Variants in PRR16 observed in about 807,000 individuals in gnomAD.
PRR16 encodes the protein protein Largen.
A neutral mutation model predicts 18.2 loss-of-function variants in PRR16; 6 were observed. The ratio of observed to expected loss-of-function variants is 0.33; its 90% CI spans 0.18 to 0.65. The LOEUF (loss-of-function observed/expected upper bound fraction) is 0.65, where lower values mean the gene tolerates loss of function less well. Among genes scored for constraint, PRR16 ranks in the 30% least tolerant of loss-of-function variants. The pLI, the probability that PRR16 is intolerant of heterozygous loss-of-function variation, is 0.74. For synonymous variants in PRR16, 151 were observed against 147.8 expected, an observed-to-expected ratio of 1.02 and a Z score of -0.16; for missense variants, 412 against 376.6, an observed-to-expected ratio of 1.09 and a Z score of -0.78.
At chr5:120,776,842 T>C in the PRR16 span, among the ~76,000 whole-genome samples, 3 of 152,086 alleles carry the variant, frequency 2.0e-5, no homozygotes, top group Non-Finnish European at 4.4e-5. Flanking sequence ...TATTGCTCTG[T>C]TTTTATTCTG....
intron 1 of PRR16, among the ~76,000 whole-genome samples, chr5:120,530,764 G>A (rs1183302365): frequency 6.6e-6 from 1 of 152,054 alleles, no homozygotes; most frequent in Non-Finnish European, 1.5e-5. Context: ...AAAGGAGAAA[G>A]GTAAAGGTTA....
At chr5:120,786,449 CTT>C in the PRR16 span, among the ~76,000 whole-genome samples, 3 of 150,960 alleles carry the variant, frequency 2.0e-5, no homozygotes, top group Non-Finnish European at 3.0e-5. Context: ...ATTTTGGTCT[CTT>C]AACAGTTACT....
At chr5:120,755,568 AT>A in the PRR16 span, among the ~76,000 whole-genome samples, 1 of 152,022 alleles carries the variant, frequency 6.6e-6, no homozygotes. Flanking sequence ...GATTTCATCC[AT>A]TTTTATGGCT....
the PRR16 span, among the ~76,000 whole-genome samples, chr5:120,786,470 T>C: frequency 1.2e-4 from 18 of 150,862 alleles, no homozygotes; most frequent in Non-Finnish European, 2.2e-4. Flanking sequence ...CTACTTCTTA[T>C]AATGCAACAG....
At chr5:120,726,618 C>T in the PRR16 span, among the ~76,000 whole-genome samples, 1 of 151,976 alleles carries the variant, frequency 6.6e-6, no homozygotes, top group Non-Finnish European at 1.5e-5. Flanking sequence ...TTTAATAGCT[C>T]ATGGTTTAAT....
intron 1 of PRR16, among the ~76,000 whole-genome samples, chr5:120,480,749 T>A (rs924274968): frequency 6.6e-6 from 1 of 152,160 alleles, no homozygotes; most frequent in Admixed American, 6.6e-5. Flanking sequence ...TATATTTAAG[T>A]CTTGTTTTGT....
At chr5:120,635,027 G>A (rs888906915) in intron 1 of PRR16, among the ~76,000 whole-genome samples, 1 of 152,086 alleles carries the variant, frequency 6.6e-6, no homozygotes, top group African/African-American at 2.4e-5. Context: ...GGAGATTAAT[G>A]AATTCCTGAA....
At position 120,588,395 on chromosome 5, in the gene PRR16, T is replaced by A. The variant is rs1005761470; in HGVS notation, c.160-97559T>A. The stretch of plus-strand genomic sequence containing the variant: ...GCAAGAGTCCATTCACGTGGCAAAT[T>A]TTAGTGCTGTCTTATTTTAAGACTT... On this transcript the variant is annotated intron_variant, in intron 1 of 1. Transcript: ENST00000407149. 7.2e-5 allele frequency among the ~76,000 whole-genome samples: 11 copies of A among 152,118 alleles called. No homozygotes were observed. The East Asian group carries it at 2.1e-3, about 29-fold the overall frequency.
rs180840437 is a variant in PRR16, at chr5:120,636,980, A to G, written c.160-48974A>G. On this transcript the variant is annotated intron_variant, in intron 1 of 1. Coordinates refer to ENST00000407149, the MANE Select transcript of PRR16 (RefSeq NM_001300783.2). ...ATCAAAAAGTGGGCTAAGGACATGT[A>G]TAGACAATTCTCAAAAGAAGATATA... 6.0e-4 allele frequency among the ~76,000 whole-genome samples: 91 copies of G among 152,244 alleles called. 1 individual carries two copies. The East Asian group carries it at 0.016, about 27-fold the overall frequency.
intron 1 of PRR16, among the ~76,000 whole-genome samples, chr5:120,615,330 T>A (rs993629379): frequency 6.6e-6 from 1 of 151,618 alleles, no homozygotes; most frequent in African/African-American, 2.4e-5. Flanking sequence ...AAAATCTATA[T>A]TCTCTTCTAT....
the PRR16 span, among the ~76,000 whole-genome samples, chr5:120,762,358 C>T: frequency 1.3e-5 from 2 of 152,072 alleles, no homozygotes; most frequent in African/African-American, 2.4e-5. Flanking sequence ...TCTTTTTTCT[C>T]TGCATCCTTG....
chr5:120,692,485 T>A, the PRR16 span, among the ~76,000 whole-genome samples: 1 of 152,104 alleles, frequency 6.6e-6, no homozygotes, highest in South Asian at 2.1e-4. Context: ...TCAGTTAAGA[T>A]TTATGCACCA....
chr5:120,542,898 A>G (rs1751959781), intron 1 of PRR16, among the ~76,000 whole-genome samples: 1 of 152,182 alleles, frequency 6.6e-6, no homozygotes, highest in African/African-American at 2.4e-5. Context: ...TAGAAATAAT[A>G]CAGTCATTAA....
intron 1 of PRR16, among the ~76,000 whole-genome samples, chr5:120,599,283 C>A (rs986474304): frequency 6.6e-6 from 1 of 151,842 alleles, no homozygotes; most frequent in East Asian, 1.9e-4. Flanking sequence ...AAAAATGTAA[C>A]CATGTAAAAT....
Position 120,510,473 on chromosome 5 carries a change from A to T in PRR16, c.159+45828A>T, listed in dbSNP as rs142563147. On this transcript the variant is annotated intron_variant, in intron 1 of 1. Coordinates refer to ENST00000407149, the MANE Select transcript of PRR16 (RefSeq NM_001300783.2). ...TTATCATTGTGCAACAGAGCCTGCT[A>T]TCTGTGAGAGATTATTTTGCACTTC... Among the ~76,000 whole-genome samples, 6 of 152,322 alleles carry T rather than the reference A, an allele frequency of 3.9e-5. No homozygotes were observed. The East Asian group carries it at 1.2e-3, about 29-fold the overall frequency.
chr5:120,490,528 T>A (rs1382553592), intron 1 of PRR16, among the ~76,000 whole-genome samples: 1 of 152,156 alleles, frequency 6.6e-6, no homozygotes, highest in African/African-American at 2.4e-5. Flanking sequence ...CTTCTCTGCA[T>A]TGGTTATTCT....
At chr5:120,724,326 C>G in the PRR16 span, among the ~76,000 whole-genome samples, 691 of 152,200 alleles carry the variant, frequency 4.5e-3, 5 homozygotes, top group African/African-American at 0.016. Flanking sequence ...CAAATTCTAA[C>G]TCTACCACTT....
the PRR16 span, among the ~76,000 whole-genome samples, chr5:120,735,231 A>G: frequency 7.2e-5 from 11 of 152,326 alleles, no homozygotes; most frequent in South Asian, 2.1e-3. Context: ...CATTATATGT[A>G]TATACCAGAG....
chr5:120,681,453 T>G (rs1489864193), intron 1 of PRR16, among the ~76,000 whole-genome samples: 1 of 152,164 alleles, frequency 6.6e-6, no homozygotes, highest in Non-Finnish European at 1.5e-5. Flanking sequence ...ACAGACATGT[T>G]CTTTTTCCTA....
Sources: gnomAD v4.1 joint callset for allele counts (sites outside exome capture counted in the v4.1 genomes callset) on GRCh38, gnomAD v4.1.1 for gene constraint, MANE v1.5 for transcripts, NCBI Gene and HGNC (gene_info 2026-07-23, HGNC 2026-07-21) for gene names.